Variants in PCDHA3 observed in about 807,000 individuals in gnomAD.
PCDHA3 encodes the protein protocadherin alpha-3.
A neutral mutation model predicts 62.2 loss-of-function variants in PCDHA3; 41 were observed. The ratio of observed to expected loss-of-function variants is 0.66; its 90% CI spans 0.51 to 0.86. The LOEUF (loss-of-function observed/expected upper bound fraction) is 0.86, where lower values mean the gene tolerates loss of function less well. PCDHA3 is among the 40% of genes least tolerant of loss of function. The pLI is 0.00. For synonymous variants in PCDHA3, 640 were observed against 555.4 expected, an observed-to-expected ratio of 1.15 and a Z score of -2.14; for missense variants, 1,304 against 1,241.2, an observed-to-expected ratio of 1.05 and a Z score of -0.76.
chr5:140,816,041 C>T (rs1016495184), intron 1 of PCDHA3: 2 of 152,064 alleles, frequency 1.3e-5, no homozygotes, highest in Non-Finnish European at 2.9e-5. Context: ...TGTCCATTTC[C>T]TTCCTCATAT....
intron 1 of PCDHA3, chr5:140,823,108 G>A (rs138806648): frequency 6.2e-7 from 1 of 1,613,958 alleles, no homozygotes; most frequent in Non-Finnish European, 8.5e-7. Flanking sequence ...TGTGGAAGTG[G>A]CCGACGTGAA....
intron 1 of PCDHA3, chr5:140,871,033 C>T (rs201299652): frequency 1.2e-6 from 2 of 1,613,234 alleles, no homozygotes; most frequent in East Asian, 2.2e-5. Context: ...CTCGCCGCGC[C>T]ACCGACTTCT....
chr5:140,848,247 T>C (rs1581144938), intron 1 of PCDHA3: 2 of 456,006 alleles, frequency 4.4e-6, no homozygotes, highest in East Asian at 3.3e-5. Flanking sequence ...TTTTGCAGAA[T>C]AACTGTGAAA....
At chr5:140,807,948 A>G (rs1046867611) in intron 1 of PCDHA3, 2 of 1,614,124 alleles carry the variant, frequency 1.2e-6, no homozygotes, top group East Asian at 2.2e-5. Context: ...TTACTAGAAA[A>G]TGTTCCTAAT....
chr5:140,968,444 A>G (rs781941315), intron 1 of PCDHA3: 1 of 1,614,048 alleles, frequency 6.2e-7, no homozygotes, highest in South Asian at 1.1e-5. Context: ...CCCACCACTG[A>G]GCAGCACTGT....
At chr5:140,858,263 T>A (rs781901851) in intron 1 of PCDHA3, 1 of 1,596,360 alleles carries the variant, frequency 6.3e-7, no homozygotes, top group Non-Finnish European at 8.6e-7. Flanking sequence ...CACGCTGGTG[T>A]GCTCTAGCGC....
intron 1 of PCDHA3, chr5:140,969,257 AATC>A (rs782398697): frequency 1.2e-6 from 2 of 1,614,102 alleles, no homozygotes; most frequent in African/African-American, 2.7e-5. Context: ...TGACAGCAGG[AATC>A]TCACAGGCCA....
chr5:140,931,111 G>A (rs1584701423), intron 1 of PCDHA3, among the ~76,000 whole-genome samples: 2 of 152,116 alleles, frequency 1.3e-5, no homozygotes, highest in East Asian at 3.8e-4. Flanking sequence ...TAATAGGTAT[G>A]CACATCATTA....
intron 1 of PCDHA3, among the ~76,000 whole-genome samples, chr5:140,941,207 C>CTTCCTTTCTT (rs1563185091): frequency 3.9e-5 from 4 of 103,272 alleles, no homozygotes; most frequent in African/African-American, 1.7e-4. Context: ...TTCTTCCTTT[C>CTTCCTTTCTT]TTTCTTCCTT....
chr5:140,832,090 C>T (rs1233831526), intron 1 of PCDHA3, among the ~76,000 whole-genome samples: 2 of 152,154 alleles, frequency 1.3e-5, no homozygotes, highest in Admixed American at 1.3e-4. Flanking sequence ...ATTTTAAATG[C>T]CATGTTCTAC....
At chr5:140,927,142 G>T (rs781883795) in intron 1 of PCDHA3, 1 of 1,614,128 alleles carries the variant, frequency 6.2e-7, no homozygotes, top group South Asian at 1.1e-5. Context: ...GGCGGACCGC[G>T]AACAGCTGTG....
intron 1 of PCDHA3, chr5:140,852,607 C>A: frequency 1.1e-6 from 1 of 915,386 alleles, no homozygotes; most frequent in Non-Finnish European, 1.3e-6. Context: ...CATTTTCTTT[C>A]AAAACTTGAG....
At chr5:140,967,029 G>C (rs1554229079) in intron 1 of PCDHA3, 4 of 1,608,938 alleles carry the variant, frequency 2.5e-6, no homozygotes, top group East Asian at 2.2e-5. Flanking sequence ...CCCAGTCCGC[G>C]CTACCTGGAG....
At chr5:140,812,940 C>T (rs1765202125) in intron 1 of PCDHA3, 2 of 152,160 alleles carry the variant, frequency 1.3e-5, no homozygotes, top group African/African-American at 4.8e-5. Flanking sequence ...TACATATTTG[C>T]AGATTTTCCA....
chr5:140,962,369 AT>A (rs1181838799), intron 1 of PCDHA3, among the ~76,000 whole-genome samples: 1 of 152,154 alleles, frequency 6.6e-6, no homozygotes, highest in Admixed American at 6.5e-5. Flanking sequence ...GGCTAGTTTG[AT>A]TTTATCTGTT....
rs782226531 is a variant in PCDHA3, at chr5:140,928,688, A to G, written c.2395-50261A>G. 6 of 1,614,004 alleles carry G rather than the reference A, an allele frequency of 3.7e-6. No homozygotes were observed. The African/African-American group carries it at 4.0e-5, about 11-fold the overall frequency. The stretch of plus-strand genomic sequence containing the variant: ...GGTTCTAATGCCTGGCTTTCCTACC[A>G]CATCTCCCGGGCGTCTGACTCTAGT... On this transcript the variant is annotated intron_variant, in intron 1 of 3. Transcript: ENST00000522353.
At chr5:140,983,184 T>C (rs1367703446) in intron 3 of PCDHA3, among the ~76,000 whole-genome samples, 2 of 152,192 alleles carry the variant, frequency 1.3e-5, no homozygotes, top group Non-Finnish European at 2.9e-5. Flanking sequence ...CACAATTTCT[T>C]AGTTTAGAGG....
intron 1 of PCDHA3, chr5:140,860,892 C>A (rs1554153919): frequency 6.6e-6 from 1 of 152,368 alleles, no homozygotes; most frequent in Non-Finnish European, 1.5e-5. Flanking sequence ...TGCCCGCCAA[C>A]ACGCCAGGCT....
intron 1 of PCDHA3, among the ~76,000 whole-genome samples, chr5:140,839,040 T>C (rs1469530871): frequency 6.6e-6 from 1 of 152,080 alleles, no homozygotes; most frequent in Non-Finnish European, 1.5e-5. Flanking sequence ...TGTTTTCTTT[T>C]CAACGTGAAT....
Sources: gnomAD v4.1 joint callset for allele counts (sites outside exome capture counted in the v4.1 genomes callset) on GRCh38, gnomAD v4.1.1 for gene constraint, MANE v1.5 for transcripts, NCBI Gene and HGNC (gene_info 2026-07-23, HGNC 2026-07-21) for gene names.